Variants in WWC1 observed in about 807,000 individuals in gnomAD.
WWC1 encodes protein KIBRA.
A neutral mutation model predicts 138.4 loss-of-function variants in WWC1; 55 were observed. The ratio of observed to expected loss-of-function variants is 0.40; its 90% confidence interval spans 0.32 to 0.50. The LOEUF is 0.50. WWC1 is among the 20% of genes least tolerant of loss of function. The pLI is 0.72. For synonymous variants in WWC1, 524 were observed against 564.9 expected (o/e 0.93, Z 1.03); for missense variants, 1,226 against 1,420.4 (o/e 0.86, Z 2.20).
chr5:168,349,666 G>A (rs938290823), intron 1 of WWC1, among the ~76,000 whole-genome samples: 34 of 152,256 alleles, frequency 2.2e-4, no homozygotes, highest in African/African-American at 8.2e-4. Flanking sequence ...CCTCAGGAGT[G>A]CTTCCTTCTT....
rs1323833041 is a variant in WWC1 at position 168,422,098 on chromosome 5, G to T, written c.1274+1G>T. ...CAACTCTGCACTCCCAGCTGAAAAG[G>T]TGAGTGGTGGGCGGTGAGGCCACTG... is the stretch of plus-strand genomic sequence containing the variant. On this transcript the variant is annotated splice_donor_variant, in intron 10 of 22. Transcript: ENST00000265293. LOFTEE classifies it high-confidence loss of function. 1 of 1,612,514 alleles carries T rather than the reference G, an allele frequency of 6.2e-7. No individual in the cohort carries two copies. The highest frequency in any genetic ancestry group is 8.5e-7 in the Non-Finnish European group (1 of 1,179,218).
chr5:168,310,239 C>A (rs541863996), intron 1 of WWC1, among the ~76,000 whole-genome samples: 3 of 152,168 alleles, frequency 2.0e-5, no homozygotes, highest in Admixed American at 6.5e-5. Context: ...TTTAATATTT[C>A]AAACATATAG....
At chr5:168,329,092 T>C (rs1486575177) in intron 1 of WWC1, among the ~76,000 whole-genome samples, 1 of 152,204 alleles carries the variant, frequency 6.6e-6, no homozygotes, top group Non-Finnish European at 1.5e-5. Context: ...TCCCCCTCTG[T>C]AGGGTACTTG....
intron 17 of WWC1, among the ~76,000 whole-genome samples, chr5:168,452,576 C>T (rs1028545022): frequency 6.6e-6 from 1 of 152,200 alleles, no homozygotes; most frequent in African/African-American, 2.4e-5. Flanking sequence ...TGCCAGAAAT[C>T]AGTTTCTGTT....
At chr5:168,334,642 G>A (rs1432513199) in intron 1 of WWC1, among the ~76,000 whole-genome samples, 1 of 152,102 alleles carries the variant, frequency 6.6e-6, no homozygotes, top group African/African-American at 2.4e-5. Context: ...CTACTGCACT[G>A]CAAGCTCCTT....
At chr5:168,455,306 G>A (rs964388477) in intron 18 of WWC1, 50 bp from the exon 19 acceptor site, 1 of 1,528,184 alleles carries the variant, frequency 6.5e-7, no homozygotes. Flanking sequence ...CTGGTGGGTG[G>A]CTGAGACTCT....
intron 1 of WWC1, among the ~76,000 whole-genome samples, chr5:168,312,364 G>A (rs954226786): frequency 2.0e-5 from 3 of 152,182 alleles, no homozygotes; most frequent in Admixed American, 6.5e-5. Flanking sequence ...AAGACGTGGC[G>A]GCACAGGGGG....
At chr5:168,414,320 C>T (rs1015464743) in intron 8 of WWC1, 28 bp from the exon 9 acceptor site, 4 of 1,610,606 alleles carry the variant, frequency 2.5e-6, no homozygotes, top group Non-Finnish European at 3.4e-6. Context: ...TTAGGCACAC[C>T]AGTCATGCTT....
chr5:168,296,440 G>C (rs1227836136), intron 1 of WWC1, among the ~76,000 whole-genome samples: 1 of 152,120 alleles, frequency 6.6e-6, no homozygotes, highest in Non-Finnish European at 1.5e-5. Flanking sequence ...CTAAACCTCT[G>C]TCAGGTCACA....
chr5:168,392,922 TAAGAG>T (rs1393356305), intron 3 of WWC1, among the ~76,000 whole-genome samples: 1 of 151,990 alleles, frequency 6.6e-6, no homozygotes, highest in Non-Finnish European at 1.5e-5. Flanking sequence ...AAGAGACCGT[TAAGAG>T]AAGCTATATG....
intron 1 of WWC1, among the ~76,000 whole-genome samples, chr5:168,322,152 T>C (rs1224043697): frequency 2.0e-5 from 3 of 152,162 alleles, no homozygotes; most frequent in Non-Finnish European, 4.4e-5. Context: ...TTGTAACAGA[T>C]TGATGCAAAT....
chr5:168,428,382 A>G (rs1203539623), intron 12 of WWC1, among the ~76,000 whole-genome samples: 1 of 152,022 alleles, frequency 6.6e-6, no homozygotes, highest in East Asian at 1.9e-4. Flanking sequence ...CGAAAAAGGT[A>G]TATGGCTAAG....
chr5:168,309,507 C>A (rs1268555362), intron 1 of WWC1, among the ~76,000 whole-genome samples: 1 of 152,158 alleles, frequency 6.6e-6, no homozygotes, highest in East Asian at 1.9e-4. Context: ...AGCCCCCTCT[C>A]CACAGGCAGC....
At chr5:168,368,522 T>G (rs1776498660) in intron 1 of WWC1, among the ~76,000 whole-genome samples, 1 of 152,132 alleles carries the variant, frequency 6.6e-6, no homozygotes, top group Non-Finnish European at 1.5e-5. Flanking sequence ...CCTCTTCTGG[T>G]AGGTGGGACT....
At chr5:168,371,659 T>C in intron 2 of WWC1, 126 bp downstream of exon 2, 2 of 599,468 alleles carry the variant, frequency 3.3e-6, no homozygotes, top group South Asian at 2.2e-5. Context: ...TTGTTTTATA[T>C]AGATTTAGAT....
In WWC1 at chr5:168,428,767, C is replaced by T; in HGVS notation, c.1980C>T (p.Thr660=). ...ACGAATCGGAAGCAGTGGGTGCGAC[C>T]CGAATTCAGATTGCCCTGAAGTAAG... ...DSDESEAVGA[T]RIQIALKYDE... is the part of the protein sequence containing the mutation. The change falls in exon 13 of 23, where the codon ACC becomes ACT. Residue 660 remains threonine, a synonymous_variant. Transcript: ENST00000265293. 1 of 1,613,780 alleles carries T rather than the reference C, an allele frequency of 6.2e-7. No individual in the cohort carries two copies. The highest frequency in any genetic ancestry group is 8.5e-7 in the Non-Finnish European group (1 of 1,179,884).
Position 168,422,007 on chromosome 5 carries a change from G to C in WWC1, c.1185-1G>C. 1 of 1,610,846 alleles carries C rather than the reference G, an allele frequency of 6.2e-7. No homozygotes were observed. Among genetic ancestry groups the C allele is most frequent in the Admixed American group, 1.7e-5 (1 of 59,916 alleles). ...CCCTCGCATGCTTTCTCTCCTTCCA[G>C]GTTAAAGTTAAACAGTAAGAGGAAC... On this transcript the variant is annotated splice_acceptor_variant, in intron 9 of 22. Coordinates refer to ENST00000265293, the MANE Select transcript of WWC1 (RefSeq NM_015238.3). LOFTEE classifies it high-confidence loss of function.
intron 8 of WWC1, 36 bp from the exon 9 acceptor site, chr5:168,414,312 A>AG (rs745566011): frequency 6.2e-7 from 1 of 1,607,992 alleles, no homozygotes; most frequent in Non-Finnish European, 8.5e-7. Flanking sequence ...CAGTGCCATT[A>AG]GGCACACCAG....
chr5:168,457,719 C>A (rs1246877799), intron 19 of WWC1, among the ~76,000 whole-genome samples: 1 of 152,178 alleles, frequency 6.6e-6, no homozygotes, highest in African/African-American at 2.4e-5. Flanking sequence ...TGCCACAAAA[C>A]CTGGCCCCCA....
Sources: allele counts gnomAD v4.1 joint callset (sites outside exome capture counted in the v4.1 genomes callset), GRCh38; gene constraint gnomAD v4.1.1; transcripts MANE v1.5; gene names NCBI Gene and HGNC (gene_info 2026-07-23, HGNC 2026-07-21).